The following THADA variants were observed in gnomAD, a reference collection of about 807,000 sequenced individuals.
The protein encoded by THADA is tRNA (32-2'-O)-methyltransferase regulator THADA.
Under a neutral mutation model 219.8 loss-of-function variants are expected in THADA, and 213 were observed. That is an observed-to-expected ratio of 0.97 (90% CI 0.87 to 1.09). The LOEUF is 1.09. THADA is among the 50% of genes least tolerant of loss of function. The probability of loss-of-function intolerance (pLI) is 0.00; values close to 1 mark genes in which losing one functional copy is unlikely to be tolerated. For missense variants in THADA, 2,956 were observed against 2,311.3 expected (o/e 1.28, Z -5.72); for synonymous variants, 1,018 against 828.9 (o/e 1.23, Z -3.92).
At chr2:43,443,754 A>G (rs1288385388) in intron 26 of THADA, among the ~76,000 whole-genome samples, 1 of 152,244 alleles carries the variant, frequency 6.6e-6, no homozygotes, top group South Asian at 2.1e-4. Flanking sequence ...CTGTCAGACT[A>G]TGCAAAAGGT....
intron 17 of THADA, chr2:43,556,109 G>C: frequency 2.1e-6 from 2 of 940,440 alleles, no homozygotes; most frequent in Non-Finnish European, 2.7e-6. Flanking sequence ...TTTCAAAAGA[G>C]CTTTATTAAT....
At chr2:43,305,706 G>T (rs921944396) in intron 31 of THADA, among the ~76,000 whole-genome samples, 1 of 152,088 alleles carries the variant, frequency 6.6e-6, no homozygotes, top group African/African-American at 2.4e-5. Context: ...ATCTGGGTAG[G>T]CTAAAGATGA....
At chr2:43,556,652 A>C in intron 16 of THADA, 97 bp from the exon 17 acceptor site, 1 of 1,148,162 alleles carries the variant, frequency 8.7e-7, no homozygotes, top group African/African-American at 1.6e-5. Context: ...AGCTGAGTAC[A>C]GTGGGCTCGA....
chr2:43,422,611 T>C lies in THADA; in HGVS notation c.4058+5489A>G, dbSNP rs147423416. Among the ~76,000 whole-genome samples, 674 of 152,348 alleles carry C rather than the reference T, an allele frequency of 4.4e-3. 4 individuals carry two copies. The highest frequency in any genetic ancestry group is 0.015 in the African/African-American group (638 of 41,576). On this transcript the variant is annotated intron_variant, in intron 28 of 37. Coordinates refer to ENST00000405975, the MANE Select transcript of THADA (RefSeq NM_022065.5). ...CCACAAAAACTGCTATGAAGCCAGA[T>C]AGCCCTCATTTTGTATGTATATAAT...
intron 22 of THADA, among the ~76,000 whole-genome samples, chr2:43,521,235 G>C (rs754980984): frequency 1.6e-5 from 2 of 121,372 alleles, no homozygotes; most frequent in African/African-American, 3.3e-5. Flanking sequence ...CAGACAAGAA[G>C]GCAGGCAGGC....
At chr2:43,584,891 G>T (rs1483793619) in intron 7 of THADA, among the ~76,000 whole-genome samples, 1 of 152,156 alleles carries the variant, frequency 6.6e-6, no homozygotes, top group Non-Finnish European at 1.5e-5. Context: ...GTTTGGAAAG[G>T]AAGATAGCAC....
Position 43,591,121 on chromosome 2 carries a change from G to C in THADA, c.172-167C>G, listed in dbSNP as rs546823011. Among the ~76,000 whole-genome samples, 4 of 152,216 alleles carry C rather than the reference G, an allele frequency of 2.6e-5. No individual in the cohort carries two copies. The South Asian group carries it at 8.3e-4, about 32-fold the overall frequency. On this transcript the variant is annotated intron_variant, in intron 3 of 37. Coordinates refer to ENST00000405975, the MANE Select transcript of THADA (RefSeq NM_022065.5). ...AGATCGCTTGAGCCCAGGAGAGTTC[G>C]AGACAAGCTCGGGCAACATGGTGAA...
intron 29 of THADA, among the ~76,000 whole-genome samples, chr2:43,366,240 T>A (rs1670138770): frequency 6.6e-6 from 1 of 152,198 alleles, no homozygotes; most frequent in Admixed American, 6.5e-5. Context: ...TGAAATGAAA[T>A]TAATTTCACT....
intron 20 of THADA, among the ~76,000 whole-genome samples, chr2:43,543,866 T>C (rs1394655190): frequency 1.3e-5 from 2 of 151,762 alleles, no homozygotes; most frequent in African/African-American, 4.8e-5. Flanking sequence ...GCAGAAGCTC[T>C]TTAGTTTAAT....
intron 36 of THADA, among the ~76,000 whole-genome samples, chr2:43,252,846 T>C (rs1225520282): frequency 6.6e-6 from 1 of 152,176 alleles, no homozygotes; most frequent in Non-Finnish European, 1.5e-5. Context: ...GATGAAGCTG[T>C]CTATAAACTC....
At chr2:43,529,536 A>G (rs988777888) in intron 21 of THADA, among the ~76,000 whole-genome samples, 4 of 152,226 alleles carry the variant, frequency 2.6e-5, no homozygotes, top group African/African-American at 9.6e-5. Context: ...TAAAGAAAAC[A>G]AAACGGACAA....
intron 34 of THADA, among the ~76,000 whole-genome samples, chr2:43,287,705 T>G (rs894263164): frequency 6.6e-6 from 1 of 152,164 alleles, no homozygotes; most frequent in African/African-American, 2.4e-5. Context: ...TAACAACTTA[T>G]TGTCACCAAT....
chr2:43,272,746 T>C (rs1297268434), intron 36 of THADA, among the ~76,000 whole-genome samples: 7 of 150,506 alleles, frequency 4.7e-5, no homozygotes, highest in Non-Finnish European at 8.9e-5. Context: ...CACCTCAGCC[T>C]CTTCAGTAGC....
intron 22 of THADA, among the ~76,000 whole-genome samples, chr2:43,515,032 A>AT (rs1691209120): frequency 2.2e-5 from 1 of 45,194 alleles, no homozygotes; most frequent in Non-Finnish European, 3.7e-5. Context: ...TATATATAAT[A>AT]TATATAAATA....
At chr2:43,288,836 C>T (rs1051797523) in intron 34 of THADA, among the ~76,000 whole-genome samples, 1 of 152,208 alleles carries the variant, frequency 6.6e-6, no homozygotes, top group African/African-American at 2.4e-5. Flanking sequence ...TTTAAAGTGG[C>T]CAATGCAGTG....
intron 26 of THADA, among the ~76,000 whole-genome samples, chr2:43,453,518 C>T (rs1364857619): frequency 6.6e-6 from 1 of 152,166 alleles, no homozygotes; most frequent in Non-Finnish European, 1.5e-5. Context: ...AAAACTCTAA[C>T]CTCTGGCTCC....
intron 22 of THADA, among the ~76,000 whole-genome samples, chr2:43,518,766 G>T (rs766150875): frequency 6.6e-6 from 1 of 152,048 alleles, no homozygotes; most frequent in Non-Finnish European, 1.5e-5. Context: ...TATTTCCTCT[G>T]TTTGGCTGAC....
chr2:43,237,152 AAGGGC>A (rs1668130591), intron 36 of THADA, among the ~76,000 whole-genome samples: 1 of 152,012 alleles, frequency 6.6e-6, no homozygotes, highest in Non-Finnish European at 1.5e-5. Context: ...ACAGAACAGC[AAGGGC>A]AGATTACACA....
At chr2:43,518,935 T>C (rs896543417) in intron 22 of THADA, among the ~76,000 whole-genome samples, 2 of 152,110 alleles carry the variant, frequency 1.3e-5, no homozygotes, top group African/African-American at 4.8e-5. Flanking sequence ...CTGACCTGTA[T>C]TTCCAACTGT....
Sources: gnomAD v4.1 joint callset for allele counts (sites outside exome capture counted in the v4.1 genomes callset) on GRCh38, gnomAD v4.1.1 for gene constraint, MANE v1.5 for transcripts, NCBI Gene and HGNC (gene_info 2026-07-23, HGNC 2026-07-21) for gene names.